The following DGKB variants were observed in gnomAD, a reference collection of about 807,000 sequenced individuals.
DGKB encodes the protein 90 kDa diacylglycerol kinase.
DGKB carries 67 observed loss-of-function variants against 114.3 expected under a neutral mutation model. The observed-to-expected ratio is 0.59, with a 90% CI of 0.48 to 0.72. The LOEUF (loss-of-function observed/expected upper bound fraction) is 0.72, where lower values mean the gene tolerates loss of function less well. Ranked by LOEUF, DGKB falls within the 30% of genes least tolerant of loss-of-function variation. The probability of loss-of-function intolerance (pLI) is 0.00; values close to 1 mark genes in which losing one functional copy is unlikely to be tolerated. For missense variants in DGKB, 907 were observed against 975.2 expected, an observed-to-expected ratio of 0.93 and a Z score of 0.93; for synonymous variants, 398 against 323.1, an observed-to-expected ratio of 1.23 and a Z score of -2.49.
rs987182963 is a variant in DGKB, at chr7:14,275,395, G to T, written c.2122+63120C>A. 2.0e-5 allele frequency among the ~76,000 whole-genome samples: 3 copies of T among 152,262 alleles called. No individual in the cohort carries two copies. The East Asian group carries it at 5.8e-4, about 29-fold the overall frequency. On this transcript the variant is annotated intron_variant, in intron 23 of 25. Transcript: ENST00000402815. ...CTTTTCACCAAGAATGAAACACAAAGTCCTTGGTCACAATTTGACATGAGC... is the reference window on the plus strand; with the variant it reads ...CTTTTCACCAAGAATGAAACACAAATTCCTTGGTCACAATTTGACATGAGC...
intron 9 of DGKB, among the ~76,000 whole-genome samples, chr7:14,685,614 C>T (rs1167748065): frequency 1.3e-5 from 2 of 152,142 alleles, no homozygotes; most frequent in African/African-American, 4.8e-5. Context: ...CAACAGCGTA[C>T]CCCAAGCCAT....
intron 18 of DGKB, among the ~76,000 whole-genome samples, chr7:14,582,803 A>C (rs1387496056): frequency 6.6e-6 from 1 of 152,202 alleles, no homozygotes; most frequent in African/African-American, 2.4e-5. Context: ...CCCTGAAAAC[A>C]ACTCTGAAAA....
chr7:14,688,491 A>G (rs1170919666), intron 9 of DGKB, among the ~76,000 whole-genome samples: 1 of 152,058 alleles, frequency 6.6e-6, no homozygotes, highest in South Asian at 2.1e-4. Context: ...AAATATTATC[A>G]CCCTCATTGG....
intron 4 of DGKB, among the ~76,000 whole-genome samples, 157 bp from the exon 5 acceptor site, chr7:14,736,351 G>A (rs547506624): frequency 5.3e-5 from 8 of 152,258 alleles, no homozygotes; most frequent in African/African-American, 1.4e-4. Context: ...AGGGTGGGCC[G>A]TCCTGGGCTA....
chr7:14,593,544 T>C (rs528423197), intron 17 of DGKB, among the ~76,000 whole-genome samples: 11 of 152,096 alleles, frequency 7.2e-5, no homozygotes, highest in African/African-American at 2.6e-4. Context: ...AGAAAATATT[T>C]ATAATTTTAT....
chr7:14,599,665 T>A (rs899492314), intron 17 of DGKB, among the ~76,000 whole-genome samples: 18 of 152,188 alleles, frequency 1.2e-4, no homozygotes, highest in Non-Finnish European at 2.2e-4. Flanking sequence ...TTTCCATCAC[T>A]AAAATATAAG....
intron 1 of DGKB, among the ~76,000 whole-genome samples, chr7:14,853,604 C>T (rs970284861): frequency 3.3e-5 from 5 of 151,808 alleles, no homozygotes; most frequent in Admixed American, 2.0e-4. Context: ...CAGTGGCTCA[C>T]GCCTGTAATT....
intron 23 of DGKB, among the ~76,000 whole-genome samples, chr7:14,281,547 A>G (rs1247536502): frequency 6.8e-6 from 1 of 147,600 alleles, no homozygotes; most frequent in Non-Finnish European, 1.5e-5. Context: ...CCCCAAATCA[A>G]CAGAATATAC....
chr7:14,176,640 A>G (rs1258694524), intron 25 of DGKB, 199 bp downstream of exon 25: 1 of 1,314,298 alleles, frequency 7.6e-7, no homozygotes. Context: ...AACATTCAAG[A>G]GCTAAATCAT....
chr7:14,836,274 G>A (rs1847145650), intron 2 of DGKB, among the ~76,000 whole-genome samples: 1 of 152,112 alleles, frequency 6.6e-6, no homozygotes, highest in African/African-American at 2.4e-5. Flanking sequence ...CAAATTCACT[G>A]TAATTTTGCA....
chr7:14,233,938 A>C (rs2128346996), intron 23 of DGKB, among the ~76,000 whole-genome samples: 1 of 152,178 alleles, frequency 6.6e-6, no homozygotes, highest in Admixed American at 6.6e-5. Flanking sequence ...GGCCTGGCAA[A>C]GGCAGTTTTA....
intron 6 of DGKB, among the ~76,000 whole-genome samples, chr7:14,716,509 A>T (rs1403260729): frequency 6.6e-6 from 1 of 152,182 alleles, no homozygotes; most frequent in African/African-American, 2.4e-5. Flanking sequence ...CTTCTGGTCT[A>T]TATTGTATTT....
chr7:14,574,444 T>G, intron 19 of DGKB, 72 bp from the exon 20 acceptor site: 1 of 1,275,086 alleles, frequency 7.8e-7, no homozygotes, highest in Non-Finnish European at 1.1e-6. Flanking sequence ...TATGTTTCAG[T>G]GTGCTTATGC....
At chr7:14,518,687 T>C (rs530387293) in intron 20 of DGKB, among the ~76,000 whole-genome samples, 1 of 152,196 alleles carries the variant, frequency 6.6e-6, no homozygotes, top group Non-Finnish European at 1.5e-5. Flanking sequence ...TATAGGAATG[T>C]GGCTCTTAAA....
chr7:14,281,445 A>G (rs1012727789), intron 23 of DGKB, among the ~76,000 whole-genome samples: 3 of 143,942 alleles, frequency 2.1e-5, no homozygotes, highest in Non-Finnish European at 4.5e-5. Context: ...AACATTAGAC[A>G]GATCAATGAG....
chr7:14,488,488 T>C (rs1282687291), intron 20 of DGKB, among the ~76,000 whole-genome samples: 1 of 151,996 alleles, frequency 6.6e-6, no homozygotes, highest in Non-Finnish European at 1.5e-5. Flanking sequence ...TTTAATGGAT[T>C]AAAGAGATGG....
intron 25 of DGKB, among the ~76,000 whole-genome samples, chr7:14,166,095 G>C (rs993547): frequency 0.81 from 123,707 of 152,168 alleles, 50,333 homozygotes; most frequent in East Asian, 0.93. Flanking sequence ...GTCTAAAAGT[G>C]TCTTATACTA....
At chr7:14,614,143 G>A (rs1313824480) in intron 15 of DGKB, among the ~76,000 whole-genome samples, 6 of 152,102 alleles carry the variant, frequency 3.9e-5, no homozygotes, top group African/African-American at 1.4e-4. Context: ...CTGTCCTAAT[G>A]GAGCTTATAT....
At chr7:14,402,403 T>C (rs1363255781) in intron 21 of DGKB, among the ~76,000 whole-genome samples, 2 of 148,820 alleles carry the variant, frequency 1.3e-5, no homozygotes, top group Non-Finnish European at 3.0e-5. Context: ...TTGCTTTTGC[T>C]TTTTTTTCCT....
Sources: gnomAD v4.1 joint callset for allele counts (sites outside exome capture counted in the v4.1 genomes callset) on GRCh38, gnomAD v4.1.1 for gene constraint, MANE v1.5 for transcripts, NCBI Gene and HGNC (gene_info 2026-07-23, HGNC 2026-07-21) for gene names.